The following ELP4 variants were observed in gnomAD, a reference collection of about 807,000 sequenced individuals.
The protein encoded by ELP4 is elongator complex protein 4.
In ELP4, 51 loss-of-function variants were observed where a neutral mutation model predicts 48.9. The ratio of observed to expected loss-of-function variants is 1.04; its 90% confidence interval spans 0.83 to 1.32. ELP4 has a LOEUF of 1.32. ELP4 is among the 40% of genes most tolerant of loss of function. ELP4 has a pLI of 0.00. For missense variants in ELP4, 519 were observed against 514.6 expected (o/e 1.01, Z -0.08); for synonymous variants, 210 against 189.2 (o/e 1.11, Z -0.90).
intron 9 of ELP4, among the ~76,000 whole-genome samples, chr11:31,749,894 C>T (rs1360618780): frequency 2.7e-5 from 4 of 147,988 alleles, no homozygotes; most frequent in Admixed American, 1.4e-4. Flanking sequence ...CTCGCTCTGT[C>T]GCCCAGGCTG....
chr11:31,666,096 C>A (rs1027106407), intron 9 of ELP4, among the ~76,000 whole-genome samples: 1 of 141,970 alleles, frequency 7.0e-6, no homozygotes, highest in African/African-American at 2.7e-5. Flanking sequence ...GCAACCTCTG[C>A]CTCCTGGGTT....
At chr11:31,702,384 AGAG>A (rs2134158647) in intron 9 of ELP4, among the ~76,000 whole-genome samples, 1 of 152,154 alleles carries the variant, frequency 6.6e-6, no homozygotes, top group African/African-American at 2.4e-5. Flanking sequence ...CATGTCAGGG[AGAG>A]GAGAATGGAA....
intron 5 of ELP4, among the ~76,000 whole-genome samples, chr11:31,626,223 G>A (rs1394408347): frequency 6.6e-6 from 1 of 151,676 alleles, no homozygotes; most frequent in African/African-American, 2.4e-5. Context: ...TCTTTCTTTG[G>A]ATATTTCTTC....
chr11:31,624,669 A>G (rs1009254667), intron 5 of ELP4, among the ~76,000 whole-genome samples: 2 of 151,822 alleles, frequency 1.3e-5, no homozygotes, highest in African/African-American at 4.8e-5. Context: ...AACATTTTTA[A>G]TTTATAAACT....
At chr11:31,695,401 A>G (rs1362122611) in intron 9 of ELP4, among the ~76,000 whole-genome samples, 1 of 152,136 alleles carries the variant, frequency 6.6e-6, no homozygotes, top group South Asian at 2.1e-4. Flanking sequence ...CCTTTTCTGC[A>G]TCTATTGAGA....
chr11:31,767,290 C>G (rs1948060666), intron 9 of ELP4: 1 of 151,798 alleles, frequency 6.6e-6, no homozygotes, highest in Non-Finnish European at 1.5e-5. Context: ...CAGAGTGGCT[C>G]TTCTGGCTAC....
At chr11:31,774,104 A>T (rs1184574958) in intron 9 of ELP4, among the ~76,000 whole-genome samples, 1 of 152,190 alleles carries the variant, frequency 6.6e-6, no homozygotes, top group Non-Finnish European at 1.5e-5. Context: ...GAGCCGAGGA[A>T]GTTGAGGCTG....
intron 2 of ELP4, among the ~76,000 whole-genome samples, chr11:31,536,540 C>T (rs1336110314): frequency 6.6e-6 from 1 of 152,060 alleles, no homozygotes; most frequent in Non-Finnish European, 1.5e-5. Flanking sequence ...TTAGTAAAGG[C>T]GGGATTTCGC....
chr11:31,708,113 G>A (rs1471757608), intron 9 of ELP4, among the ~76,000 whole-genome samples: 1 of 151,828 alleles, frequency 6.6e-6, no homozygotes, highest in African/African-American at 2.4e-5. Flanking sequence ...TCTACCACAG[G>A]GCCTTTGCCA....
At chr11:31,716,980 A>G (rs558795620) in intron 9 of ELP4, among the ~76,000 whole-genome samples, 1 of 152,322 alleles carries the variant, frequency 6.6e-6, no homozygotes, top group East Asian at 1.9e-4. Flanking sequence ...TTGACCAGTG[A>G]GAAGATAATG....
intron 9 of ELP4, among the ~76,000 whole-genome samples, chr11:31,764,953 C>T (rs1032171294): frequency 2.0e-5 from 3 of 152,060 alleles, no homozygotes; most frequent in Non-Finnish European, 4.4e-5. Flanking sequence ...TCAAAAGGAC[C>T]GCTCTTTAGT....
intron 3 of ELP4, among the ~76,000 whole-genome samples, chr11:31,563,073 A>T (rs902768844): frequency 6.6e-6 from 1 of 152,208 alleles, no homozygotes; most frequent in Non-Finnish European, 1.5e-5. Context: ...TCAACAAAGT[A>T]ACATACTTAC....
chr11:31,708,498 C>CT (rs1043963752), intron 9 of ELP4, among the ~76,000 whole-genome samples: 10 of 151,790 alleles, frequency 6.6e-5, no homozygotes, highest in South Asian at 2.1e-4. Context: ...GCCTAAGGAC[C>CT]TTTTTTTTAA....
At chr11:31,627,018 C>A in intron 5 of ELP4, 92 bp from the exon 6 acceptor site, 2 of 692,156 alleles carry the variant, frequency 2.9e-6, no homozygotes, top group South Asian at 2.0e-5. Flanking sequence ...AAATGTATGC[C>A]TTTTAATTAT....
chr11:31,773,499 G>C (rs1461620625), intron 9 of ELP4, among the ~76,000 whole-genome samples: 1 of 152,124 alleles, frequency 6.6e-6, no homozygotes, highest in Non-Finnish European at 1.5e-5. Context: ...TGCACTCTTG[G>C]GGTTAGTAAA....
intron 5 of ELP4, among the ~76,000 whole-genome samples, chr11:31,609,926 A>G (rs1476198486): frequency 6.6e-6 from 1 of 152,028 alleles, no homozygotes; most frequent in Non-Finnish European, 1.5e-5. Context: ...ACATGCTGTA[A>G]TCCCAGTTAC....
At chr11:31,680,395 T>C (rs1946030366) in intron 9 of ELP4, among the ~76,000 whole-genome samples, 1 of 152,210 alleles carries the variant, frequency 6.6e-6, no homozygotes, top group South Asian at 2.1e-4. Flanking sequence ...TTTCTGCACC[T>C]GCATCACTAG....
chr11:31,735,160 A>AC (rs56800816), intron 9 of ELP4, among the ~76,000 whole-genome samples: 1 of 69,320 alleles, frequency 1.4e-5, no homozygotes, highest in African/African-American at 8.4e-5. Context: ...ATCCATTGGC[A>AC]AAAAAAAAAA....
intron 9 of ELP4, among the ~76,000 whole-genome samples, chr11:31,781,463 ATACCTGCCTTT>A (rs1948375149): frequency 7.7e-6 from 1 of 130,060 alleles, no homozygotes; most frequent in South Asian, 2.7e-4. Context: ...CTTTAGAACC[ATACCTGCCTTT>A]TGGATTCCTG....
Sources: gnomAD v4.1 joint callset for allele counts (sites outside exome capture counted in the v4.1 genomes callset) on GRCh38, gnomAD v4.1.1 for gene constraint, MANE v1.5 for transcripts, NCBI Gene and HGNC (gene_info 2026-07-23, HGNC 2026-07-21) for gene names.